Variants in MYO7A observed in about 807,000 individuals in gnomAD.
MYO7A encodes the protein unconventional myosin-VIIa.
A neutral mutation model predicts 263.8 loss-of-function variants in MYO7A; 210 were observed. The ratio of observed to expected loss-of-function variants is 0.80; its 90% confidence interval spans 0.71 to 0.89. MYO7A has a LOEUF of 0.89. Ranked by LOEUF, MYO7A falls within the 40% of genes least tolerant of loss-of-function variation. The pLI, the probability that MYO7A is intolerant of heterozygous loss-of-function variation, is 0.00. For missense variants in MYO7A, 2,820 were observed against 2,968.3 expected (o/e 0.95, Z 1.16); for synonymous variants, 1,239 against 1,197.3 (o/e 1.03, Z -0.72).
chr11:77,185,318 ACTT>A (rs1200271681), intron 27 of MYO7A, among the ~76,000 whole-genome samples: 4 of 152,196 alleles, frequency 2.6e-5, no homozygotes, highest in African/African-American at 9.7e-5. Flanking sequence ...CCACAGTAGA[ACTT>A]CTTTCAAAAT....
In MYO7A at chr11:77,129,380, G is replaced by A. The variant is rs7104470; in HGVS notation, c.-47+891G>A. 7.2e-3 allele frequency among the ~76,000 whole-genome samples: 1,100 copies of A among 152,326 alleles called. 10 individuals carry two copies. The highest frequency in any genetic ancestry group is 0.011 in the Non-Finnish European group (738 of 68,028). ...GGCTCGGATGTCGGGCAGTGTCATG[G>A]GCAGAGGATCGAATGCCCCGGCGGC... On this transcript the variant is annotated intron_variant, in intron 1 of 48. Coordinates refer to ENST00000409709, the MANE Select transcript of MYO7A (RefSeq NM_000260.4).
chr11:77,145,578 G>A lies in MYO7A; in HGVS notation c.133-2220G>A, dbSNP rs374374600. 7.2e-5 allele frequency among the ~76,000 whole-genome samples: 11 copies of A among 152,114 alleles called. No homozygotes were observed. In the East Asian group the frequency reaches 7.7e-4, roughly 11 times the overall value. Reference sequence around the variant, plus strand: ...GGGGCCTGGGACAGAGGCAGGGAGCGGGGACCGCATGGGGGGATTTTCCAA... The same window carrying A: ...GGGGCCTGGGACAGAGGCAGGGAGCAGGGACCGCATGGGGGGATTTTCCAA... On this transcript the variant is annotated intron_variant, in intron 3 of 48. Transcript: ENST00000409709.
At chr11:77,180,089 T>A in intron 21 of MYO7A, 136 bp downstream of exon 21, 1 of 956,954 alleles carries the variant, frequency 1.0e-6, no homozygotes, top group Non-Finnish European at 1.5e-6. Context: ...GGAGTGCACA[T>A]ACCTGGGACC....
At position 77,190,751 on chromosome 11, in the gene MYO7A, ACCAAGAC is replaced by A; in HGVS notation, c.3808_3814del (p.Lys1270CysfsTer2). On this transcript the variant is annotated frameshift_variant, in exon 30 of 49. Transcript: ENST00000409709. LOFTEE classifies it high-confidence loss of function. ...GCCCGTGACATTCATGGATGGGACC[ACCAAGAC>A]CCTGCTGACGGACTCGGCAACCACG... The A allele has an allele frequency of 6.2e-7, 1 of 1,600,110 alleles. No homozygotes were observed. The highest frequency in any genetic ancestry group is 2.3e-5 in the East Asian group (1 of 44,282).
rs377670513 is a variant in MYO7A at position 77,211,909 on chromosome 11, C to T, written c.6326C>T (p.Thr2109Ile). The change falls in exon 46 of 49, where the codon ACC (threonine) becomes ATC (isoleucine). Residue 2109 changes from threonine (T) to isoleucine (I), a missense_variant. Coordinates refer to ENST00000409709, the MANE Select transcript of MYO7A (RefSeq NM_000260.4). ...CTGAAGCTCATCTTCAAGTGGCCCA[C>T]CTTTGGCTCAGCCTTCTTCGAGGTG... ...AFLKLIFKWPTFGSAFFEVKQ... is the reference protein window; with the variant it reads ...AFLKLIFKWPIFGSAFFEVKQ... The T allele has an allele frequency of 4.8e-5, 78 of 1,613,830 alleles. No individual in the cohort carries two copies. The highest frequency in any genetic ancestry group is 6.4e-5 in the Non-Finnish European group (75 of 1,179,846).
intron 2 of MYO7A, among the ~76,000 whole-genome samples, chr11:77,140,552 G>GC (rs1220763264): frequency 2.6e-5 from 4 of 152,028 alleles, no homozygotes; most frequent in Admixed American, 1.3e-4. Flanking sequence ...TCTCACCGAG[G>GC]CCCGCTCTGG....
chr11:77,173,103 G>C (rs1954282108), intron 16 of MYO7A, among the ~76,000 whole-genome samples: 1 of 152,222 alleles, frequency 6.6e-6, no homozygotes, highest in African/African-American at 2.4e-5. Context: ...AGCAGGTTCA[G>C]ATCCTGCCTC....
chr11:77,178,642 ACT>A (rs1347865176), intron 19 of MYO7A, among the ~76,000 whole-genome samples: 1 of 152,230 alleles, frequency 6.6e-6, no homozygotes, highest in Non-Finnish European at 1.5e-5. Context: ...GGGGAACAGC[ACT>A]GGGCTCACTT....
In MYO7A at chr11:77,205,384, C is replaced by G. The variant is rs368438850; in HGVS notation, c.5481-78C>G. ...GATGAGCAGCTGAGGGGTACATGGC[C>G]CCCTCACCCGGGGGTGCACAGGTCC... On this transcript the variant is annotated intron_variant, in intron 39 of 48. Transcript: ENST00000409709. 325 of 1,489,196 alleles carry G rather than the reference C, an allele frequency of 2.2e-4. No homozygotes were observed. In the African/African-American group the frequency reaches 4.1e-3, roughly 19 times the overall value. 92.2% of individuals were successfully genotyped at this position (1,489,196 alleles called of 1,614,324 possible).
At chr11:77,130,966 A>G (rs1950748335) in intron 2 of MYO7A, among the ~76,000 whole-genome samples, 2 of 152,184 alleles carry the variant, frequency 1.3e-5, no homozygotes, top group Admixed American at 1.3e-4. Flanking sequence ...AGAGGAGAGG[A>G]GGTTGGCAAG....
At chr11:77,206,433 G>T (rs535646499) in intron 41 of MYO7A, among the ~76,000 whole-genome samples, 74 of 152,308 alleles carry the variant, frequency 4.9e-4, no homozygotes, top group South Asian at 1.0e-3. Context: ...TCAGAAGGGC[G>T]CCCCTCCCTC....
At chr11:77,158,481 C>T in intron 9 of MYO7A, 51 bp downstream of exon 9, 1 of 1,572,396 alleles carries the variant, frequency 6.4e-7, no homozygotes, top group South Asian at 1.1e-5. Context: ...AAGGGCAGTG[C>T]AGTGCCTTGC....
Position 77,181,598 on chromosome 11 carries a change from C to T in MYO7A, c.2904+9C>T. The T allele has an allele frequency of 6.2e-7, 1 of 1,612,136 alleles. No individual in the cohort carries two copies. The highest frequency in any genetic ancestry group is 8.5e-7 in the Non-Finnish European group (1 of 1,179,376). The stretch of plus-strand genomic sequence containing the variant: ...CACCTAGTGGCTTTGAGGTACCAGG[C>T]TAGGGACAGGGGCTCCAGAGGCCCA... On this transcript the variant is annotated intron_variant, in intron 23 of 48. Coordinates refer to ENST00000409709, the MANE Select transcript of MYO7A (RefSeq NM_000260.4).
At position 77,175,419 on chromosome 11, in the gene MYO7A, C is replaced by G. The variant is rs1555079508; in HGVS notation, c.2142C>G (p.Gly714=). The G allele has an allele frequency of 8.1e-6, 13 of 1,613,258 alleles. 1 individual carries two copies. The Admixed American group carries it at 2.2e-4, about 27-fold the overall frequency. Residue 714 remains glycine (G), a synonymous_variant, in exon 18 of 49, where the codon GGC becomes GGG. Transcript: ENST00000409709. The part of the protein sequence containing the change: ...TCQRMAEAVL[G]THDDWQIGKT... The stretch of plus-strand genomic sequence containing the variant: ...AGCGCATGGCTGAGGCTGTGCTGGG[C>G]ACCCACGATGACTGGCAGATAGGCA...
Position 77,179,796 on chromosome 11 carries a change from ACC to A in MYO7A, c.2430_2431del (p.Tyr810Ter). 6.5e-7 allele frequency: 1 copy of A among 1,549,616 alleles called. No homozygotes were observed. Among genetic ancestry groups the A allele is most frequent in the Non-Finnish European group, 8.7e-7 (1 of 1,149,364 alleles). On this transcript the variant is annotated stop_gained and frameshift_variant, in exon 21 of 49. Transcript: ENST00000409709. LOFTEE classifies it high-confidence loss of function. ...CGCTCCCGGAAGCTGCACCAGCAGT[ACC>A]GCCTGGCCCGCCAGCGCATCATCCA...
At chr11:77,132,204 C>T (rs1013177302) in intron 2 of MYO7A, among the ~76,000 whole-genome samples, 1 of 151,956 alleles carries the variant, frequency 6.6e-6, no homozygotes, top group Non-Finnish European at 1.5e-5. Context: ...CTACTTCCTT[C>T]GGGAGGCTTC....
At chr11:77,160,416 T>G in intron 11 of MYO7A, 134 bp downstream of exon 11, 7 of 1,317,008 alleles carry the variant, frequency 5.3e-6, no homozygotes, top group Non-Finnish European at 7.1e-6. Context: ...GGGGCTGCAG[T>G]CGGCCTTCCT....
At chr11:77,171,807 C>T (rs1954117156) in intron 15 of MYO7A, among the ~76,000 whole-genome samples, 1 of 152,238 alleles carries the variant, frequency 6.6e-6, no homozygotes, top group Non-Finnish European at 1.5e-5. Context: ...CAGTTCCCAT[C>T]AGTCCTGCCA....
intron 2 of MYO7A, among the ~76,000 whole-genome samples, chr11:77,141,434 C>T (rs1555050558): frequency 6.6e-6 from 1 of 152,082 alleles, no homozygotes; most frequent in Non-Finnish European, 1.5e-5. Context: ...CATTGTGAAT[C>T]AGTTTTATAA....
Sources: allele counts gnomAD v4.1 joint callset (sites outside exome capture counted in the v4.1 genomes callset), GRCh38; gene constraint gnomAD v4.1.1; transcripts MANE v1.5; gene names NCBI Gene and HGNC (gene_info 2026-07-23, HGNC 2026-07-21).